MAML3: variants seen among roughly 807,000 people sequenced by gnomAD.
MAML3 encodes mastermind-like protein 3.
MAML3 carries 27 observed loss-of-function variants against 101.9 expected under a neutral mutation model. The observed-to-expected ratio is 0.27, with a 90% CI of 0.20 to 0.37. The LOEUF is 0.37. Among genes scored for constraint, MAML3 ranks in the 10% least tolerant of loss-of-function variants. The pLI is 1.00. For synonymous variants in MAML3, 501 were observed against 555.9 expected (o/e 0.90, Z 1.39); for missense variants, 1,316 against 1,444.9 (o/e 0.91, Z 1.45).
intron 1 of MAML3, among the ~76,000 whole-genome samples, chr4:139,921,260 G>A (rs544402253): frequency 2.0e-5 from 3 of 152,288 alleles, no homozygotes; most frequent in Admixed American, 6.5e-5. Flanking sequence ...TAACTTCCAC[G>A]ATTTTCCTTT....
intron 1 of MAML3, among the ~76,000 whole-genome samples, chr4:140,089,535 C>T (rs1235937197): frequency 6.6e-6 from 1 of 152,198 alleles, no homozygotes; most frequent in African/African-American, 2.4e-5. Context: ...CAGATTTCAT[C>T]TAGCTCCAGA....
chr4:139,750,832 C>T (rs750445182), intron 2 of MAML3, among the ~76,000 whole-genome samples: 15 of 152,192 alleles, frequency 9.9e-5, no homozygotes, highest in Non-Finnish European at 1.9e-4. Flanking sequence ...CCACTCCCTA[C>T]CCCCTTTTAA....
At chr4:140,016,151 T>C (rs1265391394) in intron 1 of MAML3, among the ~76,000 whole-genome samples, 12 of 152,074 alleles carry the variant, frequency 7.9e-5, no homozygotes, top group Non-Finnish European at 1.6e-4. Context: ...TAGCAATAAA[T>C]ATGTGAGCAC....
chr4:139,770,179 G>A (rs1458493130), intron 2 of MAML3, among the ~76,000 whole-genome samples: 5 of 152,082 alleles, frequency 3.3e-5, no homozygotes, highest in African/African-American at 4.8e-5. Flanking sequence ...CGATCCTCCC[G>A]CCTTGGCCTC....
intron 1 of MAML3, among the ~76,000 whole-genome samples, chr4:139,922,212 T>G (rs1413834742): frequency 6.6e-6 from 1 of 152,124 alleles, no homozygotes; most frequent in Non-Finnish European, 1.5e-5. Flanking sequence ...TCAGCTTGCT[T>G]GCTTTTTAAT....
intron 1 of MAML3, among the ~76,000 whole-genome samples, chr4:139,935,141 G>A (rs1258576087): frequency 6.7e-6 from 1 of 150,348 alleles, no homozygotes; most frequent in African/African-American, 2.4e-5. Flanking sequence ...GCAAGGCACA[G>A]AACACAGCCG....
rs567395449 is a variant in MAML3 at position 139,793,923 on chromosome 4, GA to G, written c.2080-63257del. On this transcript the variant is annotated intron_variant, in intron 2 of 4. Coordinates refer to ENST00000509479, the MANE Select transcript of MAML3 (RefSeq NM_018717.5). ...ATTACTTTCTAATAAGGAAGGAAAA[GA>G]AAAAAAACGAACAGCACTGTACATC... Among the ~76,000 whole-genome samples the G allele has an allele frequency of 3.7e-3, 556 of 151,776 alleles. 2 individuals are homozygous for G. The highest frequency in any genetic ancestry group is 4.9e-3 in the Non-Finnish European group (335 of 67,886).
At chr4:139,858,791 C>A (rs3106324) in intron 2 of MAML3, among the ~76,000 whole-genome samples, 119,250 of 152,120 alleles carry the variant, frequency 0.78, 46,946 homozygotes, top group South Asian at 0.84. Flanking sequence ...TGTCACTAAC[C>A]CTGCGAACAC....
chr4:139,915,041 C>T (rs1194951861), intron 1 of MAML3, among the ~76,000 whole-genome samples: 3 of 152,140 alleles, frequency 2.0e-5, no homozygotes, highest in Non-Finnish European at 4.4e-5. Flanking sequence ...TAAAATCATT[C>T]AATTACCTTA....
intron 1 of MAML3, among the ~76,000 whole-genome samples, chr4:140,025,846 C>T (rs1240878178): frequency 2.0e-5 from 3 of 152,160 alleles, no homozygotes; most frequent in Non-Finnish European, 2.9e-5. Context: ...TGTGTTTTGG[C>T]GTTTAAAAAC....
At chr4:140,079,591 G>A (rs1727832638) in intron 1 of MAML3, among the ~76,000 whole-genome samples, 1 of 152,134 alleles carries the variant, frequency 6.6e-6, no homozygotes, top group African/African-American at 2.4e-5. Flanking sequence ...ACCACACCTG[G>A]CCATAGTTCT....
intron 1 of MAML3, among the ~76,000 whole-genome samples, chr4:139,954,077 G>A (rs1256965956): frequency 6.6e-6 from 1 of 152,214 alleles, no homozygotes. Context: ...GTTGACTCTT[G>A]TGCTCAGGCA....
At chr4:139,948,101 A>AAAATAAATAAATAAATAAATAAAT in intron 1 of MAML3, among the ~76,000 whole-genome samples, 1 of 143,182 alleles carries the variant, frequency 7.0e-6, no homozygotes, top group South Asian at 2.3e-4. Flanking sequence ...ACTCCATCTC[A>AAAATAAATAAATAAATAAATAAAT]AAATAAATAA....
chr4:139,986,174 G>A (rs1268904829), intron 1 of MAML3, among the ~76,000 whole-genome samples: 1 of 152,120 alleles, frequency 6.6e-6, no homozygotes, highest in Non-Finnish European at 1.5e-5. Context: ...TCCGAGTTTC[G>A]TTGTGGACAG....
chr4:140,073,282 C>T lies in MAML3; in HGVS notation c.468+79578G>A, dbSNP rs562898365. ...CCTCCCAAGTAGCTGGGATTATAGG[C>T]GCCTGCCACCATGCCCGGCTAATTT... On this transcript the variant is annotated intron_variant, in intron 1 of 4. Coordinates refer to ENST00000509479, the MANE Select transcript of MAML3 (RefSeq NM_018717.5). Among the ~76,000 whole-genome samples the T allele has an allele frequency of 4.0e-5, 6 of 151,438 alleles. No individual in the cohort carries two copies. In the East Asian group the frequency reaches 5.8e-4, roughly 15 times the overall value.
chr4:140,019,014 T>C (rs918054839), intron 1 of MAML3, among the ~76,000 whole-genome samples: 2 of 152,068 alleles, frequency 1.3e-5, no homozygotes, highest in African/African-American at 4.8e-5. Context: ...AAGAATAATT[T>C]TTTTTCTCTT....
At position 140,093,416 on chromosome 4, in the gene MAML3, GT is replaced by G. The variant is rs561107578; in HGVS notation, c.468+59443del. Among the ~76,000 whole-genome samples the G allele has an allele frequency of 4.5e-3, 548 of 121,480 alleles. 3 individuals carry two copies. The highest frequency in any genetic ancestry group is 0.013 in the African/African-American group (429 of 32,944). The allele number at this position is 121,480 out of a possible 152,430, so 79.7% of individuals were successfully genotyped here. A position where few individuals can be genotyped will look rare whatever the true frequency, so the allele number is the denominator to read the frequency against. On this transcript the variant is annotated intron_variant, in intron 1 of 4. Transcript: ENST00000509479. ...CAAAAGCTAAGACTCATGTTTGTTT[GT>G]TTTTTTTTTTTTTTTTTGAGACAGA...
chr4:139,959,318 T>G (rs1032114632), intron 1 of MAML3, among the ~76,000 whole-genome samples: 5 of 152,284 alleles, frequency 3.3e-5, no homozygotes, highest in African/African-American at 7.2e-5. Flanking sequence ...AGTGTGGACC[T>G]TTCCTAACCG....
chr4:139,940,553 A>G (rs886098713), intron 1 of MAML3, among the ~76,000 whole-genome samples: 2 of 152,244 alleles, frequency 1.3e-5, no homozygotes, highest in African/African-American at 2.4e-5. Flanking sequence ...CATTCAATAA[A>G]CAGTATGTGG....
Sources: allele counts gnomAD v4.1 joint callset (sites outside exome capture counted in the v4.1 genomes callset), GRCh38; gene constraint gnomAD v4.1.1; transcripts MANE v1.5; gene names NCBI Gene and HGNC (gene_info 2026-07-23, HGNC 2026-07-21).